The following FRMD5 variants were observed in gnomAD, a reference collection of about 807,000 sequenced individuals.
The protein encoded by FRMD5 is FERM domain-containing protein 5.
FRMD5 carries 20 observed loss-of-function variants against 69.0 expected under a neutral mutation model. The ratio of observed to expected loss-of-function variants is 0.29; its 90% CI spans 0.20 to 0.42. FRMD5 has a LOEUF of 0.42. Ranked by LOEUF, FRMD5 falls within the 10% of genes least tolerant of loss-of-function variation. FRMD5 has a pLI of 1.00. For missense variants in FRMD5, 595 were observed against 708.6 expected, an observed-to-expected ratio of 0.84 and a Z score of 1.82; for synonymous variants, 271 against 260.1, an observed-to-expected ratio of 1.04 and a Z score of -0.40.
chr15:44,198,707 TAA>T (rs1400796719), upstream of FRMD5, among the ~76,000 whole-genome samples: 1 of 152,116 alleles, frequency 6.6e-6, no homozygotes, highest in Non-Finnish European at 1.5e-5. Flanking sequence ...CCAAATAAAA[TAA>T]AAAGTAAAAC....
chr15:43,883,958 C>T (rs1380832393), intron 12 of FRMD5, 149 bp from the exon 13 acceptor site: 3 of 634,092 alleles, frequency 4.7e-6, no homozygotes, highest in African/African-American at 3.6e-5. Context: ...TTCTCTTTGC[C>T]TTTGGTCTCT....
chr15:44,038,520 C>CTTGTTTTTTTTTTT (rs1892026730), intron 1 of FRMD5, among the ~76,000 whole-genome samples: 2 of 63,198 alleles, frequency 3.2e-5, no homozygotes, highest in African/African-American at 5.7e-5. Flanking sequence ...CTAGCCAGAG[C>CTTGTTTTTTTTTTT]TTTTTTTTTT....
intron 4 of FRMD5, among the ~76,000 whole-genome samples, chr15:43,910,192 A>T (rs2089259838): frequency 1.3e-5 from 2 of 152,168 alleles, no homozygotes; most frequent in African/African-American, 4.8e-5. Flanking sequence ...TCAGTTAAAA[A>T]TATGCCAGTT....
chr15:43,933,630 T>C (rs375512567), intron 1 of FRMD5, among the ~76,000 whole-genome samples: 3 of 152,368 alleles, frequency 2.0e-5, no homozygotes, highest in South Asian at 2.1e-4. Context: ...CCCACTTTCA[T>C]TAACCTTCCA....
rs148775367 is a variant in FRMD5 at position 43,989,599 on chromosome 15, C to T, written c.103-65290G>A. On this transcript the variant is annotated intron_variant, in intron 1 of 13. Coordinates refer to ENST00000417257, the MANE Select transcript of FRMD5 (RefSeq NM_032892.5). ...CTGTGGCGGTGAAGATGTAGCTGTG[C>T]TAGGTGAGGACCTTCATGAGGTAGT... 2.8e-4 allele frequency: 242 copies of T among 852,782 alleles called. 1 individual carries two copies. The East Asian group carries it at 5.6e-3, about 20-fold the overall frequency. The allele number at this position is 852,782 out of a possible 1,614,324, so 52.8% of individuals were successfully genotyped here.
At position 43,919,764 on chromosome 15, in the gene FRMD5, T is replaced by C; in HGVS notation, c.250+3A>G. 1 of 1,613,800 alleles carries C rather than the reference T, an allele frequency of 6.2e-7. No individual in the cohort carries two copies. Among genetic ancestry groups the C allele is most frequent in the Non-Finnish European group, 8.5e-7 (1 of 1,179,654 alleles). ...CTTGAGTCTTTTCATGGAGAATACT[T>C]ACATCTCAATTGTTTCACCACAGAC... On this transcript the variant is annotated splice_donor_region_variant and intron_variant, in intron 3 of 13. Transcript: ENST00000417257.
At chr15:43,944,626 G>A (rs1459202134) in intron 1 of FRMD5, among the ~76,000 whole-genome samples, 1 of 152,056 alleles carries the variant, frequency 6.6e-6, no homozygotes, top group Non-Finnish European at 1.5e-5. Context: ...GTCTCACTGT[G>A]TTGCCCAGGC....
At chr15:44,095,432 T>A (rs1050405754) in intron 1 of FRMD5, among the ~76,000 whole-genome samples, 5 of 152,130 alleles carry the variant, frequency 3.3e-5, no homozygotes, top group Admixed American at 1.3e-4. Context: ...CTCAAACTCC[T>A]GGGTTACAGC....
chr15:43,966,291 G>T (rs1326305305), intron 1 of FRMD5, among the ~76,000 whole-genome samples: 1 of 152,084 alleles, frequency 6.6e-6, no homozygotes, highest in Non-Finnish European at 1.5e-5. Context: ...AGAATCACTT[G>T]AACCCAGGAG....
At chr15:44,055,928 T>C (rs1892853416) in intron 1 of FRMD5, among the ~76,000 whole-genome samples, 1 of 152,242 alleles carries the variant, frequency 6.6e-6, no homozygotes, top group African/African-American at 2.4e-5. Context: ...CGTGATCTTC[T>C]TCATTTTCTA....
chr15:44,105,394 G>A lies in FRMD5; in HGVS notation c.102+89559C>T, dbSNP rs569048440. 7.2e-5 allele frequency among the ~76,000 whole-genome samples: 11 copies of A among 152,222 alleles called. No homozygotes were observed. The East Asian group carries it at 2.1e-3, about 29-fold the overall frequency. ...GCCCAGCTCAAATTATTTCAAAGGT[G>A]TGGAAGGCAAAATTTCTTTAAAACA... On this transcript the variant is annotated intron_variant, in intron 1 of 13. Coordinates refer to ENST00000417257, the MANE Select transcript of FRMD5 (RefSeq NM_032892.5).
intron 1 of FRMD5, among the ~76,000 whole-genome samples, chr15:44,073,338 CTTAAAG>C (rs1893620378): frequency 6.7e-6 from 1 of 149,700 alleles, no homozygotes; most frequent in African/African-American, 2.6e-5. Flanking sequence ...GCCCAAACAC[CTTAAAG>C]TTAATTACTA....
At chr15:44,151,915 T>C (rs916085278) in intron 1 of FRMD5, among the ~76,000 whole-genome samples, 1 of 152,152 alleles carries the variant, frequency 6.6e-6, no homozygotes, top group Non-Finnish European at 1.5e-5. Context: ...AATTAGTAAA[T>C]GGGCAAAGGC....
chr15:44,023,442 G>A (rs1166734114), intron 1 of FRMD5, among the ~76,000 whole-genome samples: 1 of 152,222 alleles, frequency 6.6e-6, no homozygotes, highest in Non-Finnish European at 1.5e-5. Context: ...AAACAGGGAG[G>A]TGGCAATAGG....
intron 1 of FRMD5, among the ~76,000 whole-genome samples, chr15:43,978,055 T>A (rs894743438): frequency 2.0e-5 from 3 of 152,112 alleles, no homozygotes; most frequent in Admixed American, 6.6e-5. Context: ...AGAAACTTTA[T>A]TATAAAAAAA....
chr15:43,873,812 G>C lies in FRMD5; in HGVS notation c.*73C>G. On this transcript the variant is annotated 3_prime_UTR_variant, in exon 14 of 14. Coordinates refer to ENST00000417257, the MANE Select transcript of FRMD5 (RefSeq NM_032892.5). The stretch of plus-strand genomic sequence containing the variant: ...TATATGTGCCGATGGTTCCGCGATG[G>C]GTCCCATTGCTGGGAATGGGTAGCC... The C allele has an allele frequency of 6.3e-7, 1 of 1,579,464 alleles. No individual in the cohort carries two copies. Among genetic ancestry groups the C allele is most frequent in the Non-Finnish European group, 8.6e-7 (1 of 1,162,562 alleles).
intron 1 of FRMD5, among the ~76,000 whole-genome samples, chr15:44,170,163 A>G (rs1221103179): frequency 1.3e-5 from 2 of 152,140 alleles, no homozygotes; most frequent in African/African-American, 4.8e-5. Context: ...GAAGTGATCC[A>G]TCTCAGCTTC....
chr15:44,038,140 T>TG (rs1259617698), intron 1 of FRMD5, among the ~76,000 whole-genome samples: 1 of 152,192 alleles, frequency 6.6e-6, no homozygotes, highest in Admixed American at 6.5e-5. Context: ...CACTTTTTGA[T>TG]GGGGTTTTTT....
At chr15:43,966,841 C>T (rs762375100) in intron 1 of FRMD5, among the ~76,000 whole-genome samples, 6 of 152,086 alleles carry the variant, frequency 3.9e-5, no homozygotes, top group Non-Finnish European at 7.4e-5. Flanking sequence ...TGTTTCTGAG[C>T]AAGGGAGTCA....
Sources: gnomAD v4.1 joint callset for allele counts (sites outside exome capture counted in the v4.1 genomes callset) on GRCh38, gnomAD v4.1.1 for gene constraint, MANE v1.5 for transcripts, NCBI Gene and HGNC (gene_info 2026-07-23, HGNC 2026-07-21) for gene names.